The following ZNF236 variants were observed in gnomAD, a reference collection of about 807,000 sequenced individuals.
ZNF236 encodes zinc finger protein 236, also known as regulated by glucose.
A neutral mutation model predicts 191.2 loss-of-function variants in ZNF236; 50 were observed. That is an observed-to-expected ratio of 0.26 (90% confidence interval 0.21 to 0.33). The LOEUF is 0.33. Ranked by LOEUF, ZNF236 falls within the 10% of genes least tolerant of loss-of-function variation. The pLI, the probability that ZNF236 is intolerant of heterozygous loss-of-function variation, is 1.00. For synonymous variants in ZNF236, 907 were observed against 928.8 expected (o/e 0.98, Z 0.43); for missense variants, 1,754 against 2,374.5 (o/e 0.74, Z 5.43).
intron 26 of ZNF236, among the ~76,000 whole-genome samples, chr18:76,941,798 C>T (rs1968140638): frequency 6.6e-6 from 1 of 152,180 alleles, no homozygotes; most frequent in South Asian, 2.1e-4. Context: ...AATTAGCATG[C>T]ATTGTCCAAC....
At chr18:76,829,818 C>T (rs909539727) in intron 1 of ZNF236, among the ~76,000 whole-genome samples, 8 of 152,202 alleles carry the variant, frequency 5.3e-5, no homozygotes, top group African/African-American at 1.7e-4. Context: ...AGTCACAGGC[C>T]TTCCCCGCAC....
chr18:76,839,299 C>T (rs1476540733), intron 1 of ZNF236, among the ~76,000 whole-genome samples: 1 of 152,216 alleles, frequency 6.6e-6, no homozygotes, highest in Non-Finnish European at 1.5e-5. Context: ...GTTGATGCTG[C>T]TAAATAGCTT....
At chr18:76,836,672 G>T (rs182823711) in intron 1 of ZNF236, among the ~76,000 whole-genome samples, 4,097 of 151,808 alleles carry the variant, frequency 0.027, 177 homozygotes, top group African/African-American at 0.093. Context: ...CTGCTTCCCG[G>T]GTTCATGCCA....
intron 3 of ZNF236, 120 bp downstream of exon 3, chr18:76,852,059 G>A (rs1975893971): frequency 9.6e-7 from 1 of 1,046,552 alleles, no homozygotes; most frequent in Non-Finnish European, 1.3e-6. Context: ...ATTTCAAGGA[G>A]TGAATTGTCA....
intron 3 of ZNF236, among the ~76,000 whole-genome samples, chr18:76,855,157 C>T (rs904319057): frequency 9.2e-5 from 14 of 152,210 alleles, no homozygotes; most frequent in African/African-American, 2.9e-4. Context: ...CTCCTGACCT[C>T]GAGTGATCTG....
At chr18:76,864,728 G>A (rs796288697) in intron 3 of ZNF236, among the ~76,000 whole-genome samples, 5 of 150,294 alleles carry the variant, frequency 3.3e-5, no homozygotes, top group African/African-American at 9.8e-5. Flanking sequence ...ATTTAAAGAG[G>A]GAAAACGGTA....
intron 1 of ZNF236, among the ~76,000 whole-genome samples, chr18:76,836,724 C>G (rs916337068): frequency 2.6e-5 from 4 of 151,448 alleles, no homozygotes; most frequent in Non-Finnish European, 5.9e-5. Context: ...GCTACAGGCG[C>G]CCGCCACCAC....
chr18:76,943,171 A>G (rs1339444962), intron 26 of ZNF236, among the ~76,000 whole-genome samples: 2 of 152,016 alleles, frequency 1.3e-5, no homozygotes, highest in African/African-American at 4.8e-5. Context: ...CATAATAGCA[A>G]AAAATTTGGA....
chr18:76,857,375 A>C (rs1348364564), intron 3 of ZNF236, among the ~76,000 whole-genome samples: 1 of 152,154 alleles, frequency 6.6e-6, no homozygotes, highest in Non-Finnish European at 1.5e-5. Flanking sequence ...TTCAGATGGC[A>C]GGCACAATTA....
chr18:76,872,076 A>T (rs765126661), intron 5 of ZNF236, among the ~76,000 whole-genome samples: 1 of 152,246 alleles, frequency 6.6e-6, no homozygotes, highest in Non-Finnish European at 1.5e-5. Flanking sequence ...TGCTTGATAC[A>T]TGGTAGGCTG....
Position 76,919,689 on chromosome 18 carries a change from T to C in ZNF236, c.3275-87T>C, listed in dbSNP as rs1028402154. 2.1e-6 allele frequency: 3 copies of C among 1,456,176 alleles called. No individual in the cohort carries two copies. Among genetic ancestry groups the C allele is most frequent in the Admixed American group, 1.8e-5 (1 of 54,176 alleles). 90.2% of individuals were successfully genotyped at this position (1,456,176 alleles called of 1,614,324 possible). On this transcript the variant is annotated intron_variant, in intron 19 of 30. Transcript: ENST00000320610. This position sits in a 1 kb window ranked among gnomAD's most constrained non-coding sequence, Gnocchi z 5.3. ...GGTTGAGTTATTAATTTTCATTACATACATACCTATTTAGTTTTAATTGTT... is the reference window on the plus strand; with the variant it reads ...GGTTGAGTTATTAATTTTCATTACACACATACCTATTTAGTTTTAATTGTT...
At chr18:76,834,811 G>A (rs1975274042) in intron 1 of ZNF236, 1 of 472,932 alleles carries the variant, frequency 2.1e-6, no homozygotes, top group South Asian at 1.6e-5. Flanking sequence ...AAATCTTCCT[G>A]CGAATGTGGG....
intron 3 of ZNF236, among the ~76,000 whole-genome samples, chr18:76,865,221 C>T (rs1004520735): frequency 7.9e-5 from 12 of 152,100 alleles, no homozygotes; most frequent in African/African-American, 2.9e-4. Context: ...CCTGTAGTCC[C>T]AGGTACTTGG....
intron 3 of ZNF236, among the ~76,000 whole-genome samples, chr18:76,864,125 T>C (rs962955398): frequency 3.3e-5 from 5 of 152,070 alleles, no homozygotes; most frequent in African/African-American, 4.8e-5. Flanking sequence ...GGTCTCCATC[T>C]GCCAGCCCAC....
rs1373497464 is a variant in ZNF236 at position 76,969,645 on chromosome 18, T to C, written c.*1306T>C. The C allele has an allele frequency of 2.0e-5, 3 of 152,606 alleles. No homozygotes were observed. Among genetic ancestry groups the C allele is most frequent in the Admixed American group, 6.5e-5 (1 of 15,280 alleles). The allele number at this position is 152,606 out of a possible 1,614,324, so 9.5% of individuals were successfully genotyped here. A position where few individuals can be genotyped will look rare whatever the true frequency, so the allele number is the denominator to read the frequency against. On this transcript the variant is annotated 3_prime_UTR_variant, in exon 31 of 31. Transcript: ENST00000320610. The stretch of plus-strand genomic sequence containing the variant: ...TTTTTTTTCCTGAAAAATAATTGCC[T>C]TTATTTTCTCTCGTTGCCTCCTTGG...
intron 13 of ZNF236, among the ~76,000 whole-genome samples, chr18:76,906,911 A>G (rs940119972): frequency 2.6e-5 from 4 of 152,348 alleles, no homozygotes; most frequent in Non-Finnish European, 5.9e-5. Flanking sequence ...AAAATACCAC[A>G]TATACTCATG....
rs1436889332 is a variant in ZNF236 at position 76,971,276 on chromosome 18, A to T, written c.*2937A>T. ...TTTCAAACATGCAGATTGAAATGCT[A>T]CCCCACCCCCATCAAGCTCTACTTT... is the stretch of plus-strand genomic sequence containing the variant. On this transcript the variant is annotated 3_prime_UTR_variant, in exon 31 of 31. Coordinates refer to ENST00000320610, the MANE Select transcript of ZNF236 (RefSeq NM_001306089.2). Among the ~76,000 whole-genome samples, 1 of 152,136 alleles carries T rather than the reference A, an allele frequency of 6.6e-6. No homozygotes were observed. The highest frequency in any genetic ancestry group is 1.9e-4 in the East Asian group (1 of 5,196).
intron 3 of ZNF236, among the ~76,000 whole-genome samples, chr18:76,858,350 G>A (rs1204263024): frequency 6.6e-6 from 1 of 152,192 alleles, no homozygotes; most frequent in East Asian, 1.9e-4. Flanking sequence ...AAATTTGCCA[G>A]ATCTCACCTC....
rs139143530 is a variant in ZNF236, at chr18:76,856,842, A to G, written c.363+4903A>G. Among the ~76,000 whole-genome samples the G allele has an allele frequency of 2.2e-3, 342 of 152,288 alleles. 1 individual carries two copies. The highest frequency in any genetic ancestry group is 7.9e-3 in the African/African-American group (329 of 41,560). ...ATGGACTCAAATTTTCAGTCTGTTC[A>G]TTTATGGATTCTGGTTCTTATGGCT... On this transcript the variant is annotated intron_variant, in intron 3 of 30. Transcript: ENST00000320610.
Sources: gnomAD v4.1 joint callset for allele counts (sites outside exome capture counted in the v4.1 genomes callset) on GRCh38, gnomAD v4.1.1 for gene constraint, Gnocchi (gnomAD v3.1) non-coding constraint, MANE v1.5 for transcripts, NCBI Gene and HGNC (gene_info 2026-07-23, HGNC 2026-07-21) for gene names.